The following RIMKLB variants were observed in gnomAD, a reference collection of about 807,000 sequenced individuals.
The protein encoded by RIMKLB is beta-citrylglutamate synthase B.
In RIMKLB, 7 loss-of-function variants were observed where a neutral mutation model predicts 32.0. The observed-to-expected ratio is 0.22, with a 90% CI of 0.12 to 0.41. The LOEUF (loss-of-function observed/expected upper bound fraction) is 0.41, where lower values mean the gene tolerates loss of function less well. Among genes scored for constraint, RIMKLB ranks in the 10% least tolerant of loss-of-function variants. RIMKLB has a pLI of 1.00. For synonymous variants in RIMKLB, 172 were observed against 185.1 expected (o/e 0.93, Z 0.57); for missense variants, 289 against 498.7 (o/e 0.58, Z 4.00).
intron 2 of RIMKLB, among the ~76,000 whole-genome samples, chr12:8,735,161 G>A (rs1236923404): frequency 3.9e-5 from 6 of 152,108 alleles, no homozygotes; most frequent in Non-Finnish European, 8.8e-5. Context: ...CAGAATATTT[G>A]GTAATGATGT....
chr12:8,715,382 C>T (rs771998920), intron 2 of RIMKLB, among the ~76,000 whole-genome samples: 2 of 151,898 alleles, frequency 1.3e-5, no homozygotes, highest in African/African-American at 4.8e-5. Flanking sequence ...TGCACCACCA[C>T]GCCCGACTAA....
chr12:8,782,855 T>G (rs778523014), intron 7 of RIMKLB: 1 of 152,184 alleles, frequency 6.6e-6, no homozygotes, highest in Non-Finnish European at 1.5e-5. Flanking sequence ...TTTCTTATCC[T>G]GGTTATAGAG....
chr12:8,725,027 A>C (rs1234351532), intron 2 of RIMKLB, among the ~76,000 whole-genome samples: 2 of 152,166 alleles, frequency 1.3e-5, no homozygotes, highest in Non-Finnish European at 2.9e-5. Context: ...TTTAGCTCTG[A>C]TAAATGTATT....
At chr12:8,737,346 T>C (rs772177172) in intron 2 of RIMKLB, among the ~76,000 whole-genome samples, 5 of 152,074 alleles carry the variant, frequency 3.3e-5, no homozygotes, top group East Asian at 1.9e-4. Context: ...TTGTCTGATA[T>C]ATACTAAGGA....
intron 1 of RIMKLB, among the ~76,000 whole-genome samples, chr12:8,682,664 C>T (rs986913173): frequency 8.6e-5 from 13 of 151,290 alleles, no homozygotes; most frequent in South Asian, 2.1e-4. Context: ...CCCAGCTACT[C>T]GGGAGGCTGA....
the RIMKLB span, among the ~76,000 whole-genome samples, chr12:8,674,648 C>T: frequency 6.6e-6 from 1 of 151,880 alleles, no homozygotes; most frequent in East Asian, 1.9e-4. Flanking sequence ...CTCTCACATT[C>T]AAGCAATTCT....
At chr12:8,685,720 C>T (rs1335425394) in intron 1 of RIMKLB, among the ~76,000 whole-genome samples, 1 of 152,072 alleles carries the variant, frequency 6.6e-6, no homozygotes, top group African/African-American at 2.4e-5. Flanking sequence ...TCTCGGCTCA[C>T]TGCAACCTCC....
At chr12:8,758,227 AT>A (rs112378960) in intron 5 of RIMKLB, among the ~76,000 whole-genome samples, 10,054 of 142,908 alleles carry the variant, frequency 0.07, 1,078 homozygotes, top group African/African-American at 0.23. Context: ...TTTAATCGAG[AT>A]TTTTTTTTTC....
intron 2 of RIMKLB, among the ~76,000 whole-genome samples, chr12:8,729,201 G>T (rs138054605): frequency 4.4e-4 from 67 of 152,282 alleles, no homozygotes; most frequent in African/African-American, 1.5e-3. Context: ...CAGTGTGACA[G>T]CATTTTGCAC....
chr12:8,744,662 C>CT (rs1485762323), intron 2 of RIMKLB, among the ~76,000 whole-genome samples: 1 of 150,586 alleles, frequency 6.6e-6, no homozygotes. Flanking sequence ...GTTTTTTAAA[C>CT]TTTATTTATT....
At chr12:8,713,112 G>T (rs1426894359) in intron 1 of RIMKLB, among the ~76,000 whole-genome samples, 1 of 152,084 alleles carries the variant, frequency 6.6e-6, no homozygotes, top group East Asian at 1.9e-4. Flanking sequence ...TTTATAGGAA[G>T]AATAAAAACA....
At chr12:8,755,639 C>T (rs145591135) in intron 5 of RIMKLB, among the ~76,000 whole-genome samples, 2 of 152,240 alleles carry the variant, frequency 1.3e-5, no homozygotes, top group Non-Finnish European at 2.9e-5. Flanking sequence ...CTACCCTTCC[C>T]TCCTAATCTC....
At chr12:8,710,103 C>A (rs1450178013) in intron 1 of RIMKLB, among the ~76,000 whole-genome samples, 1 of 151,954 alleles carries the variant, frequency 6.6e-6, no homozygotes, top group East Asian at 1.9e-4. Context: ...TCTCCTGCCT[C>A]CGCCACCTGA....
intron 2 of RIMKLB, among the ~76,000 whole-genome samples, chr12:8,733,355 C>T (rs112958755): frequency 6.6e-6 from 1 of 151,026 alleles, no homozygotes; most frequent in Middle Eastern, 3.5e-3. Context: ...ATCATTGCCA[C>T]ATCTTAACTC....
At chr12:8,718,661 A>ATGTGTGTGTGTGTGTGTG (rs1287877829) in intron 2 of RIMKLB, among the ~76,000 whole-genome samples, 1 of 118,400 alleles carries the variant, frequency 8.4e-6, no homozygotes, top group African/African-American at 3.0e-5. Context: ...CTCTATATAT[A>ATGTGTGTGTGTGTGTGTG]TATATATATG....
At chr12:8,768,173 TC>T (rs1950124846) in intron 5 of RIMKLB, among the ~76,000 whole-genome samples, 1 of 152,094 alleles carries the variant, frequency 6.6e-6, no homozygotes, top group Non-Finnish European at 1.5e-5. Flanking sequence ...ACTGTTCAGC[TC>T]GATTAGGAAG....
chr12:8,697,491 CA>C (rs1296662835), upstream of RIMKLB, among the ~76,000 whole-genome samples: 1 of 151,940 alleles, frequency 6.6e-6, no homozygotes, highest in Non-Finnish European at 1.5e-5. Context: ...GTCGGGGTTC[CA>C]GGCGCAGATT....
intron 5 of RIMKLB, among the ~76,000 whole-genome samples, chr12:8,761,335 C>T (rs1267910930): frequency 1.3e-5 from 2 of 149,910 alleles, no homozygotes; most frequent in Admixed American, 1.3e-4. Context: ...AAAAATAAAC[C>T]TTCTTTGGAT....
chr12:8,714,031 A>T lies in RIMKLB; in HGVS notation c.165A>T (p.Gln55His), dbSNP rs1442367283. The T allele has an allele frequency of 6.2e-7, 1 of 1,613,940 alleles. No homozygotes were observed. Among genetic ancestry groups the T allele is most frequent in the Non-Finnish European group, 8.5e-7 (1 of 1,179,954 alleles). ...VMDEVVLTIE[Q>H]GNLGLRINGE... ...ATGAGGTGGTGCTGACAATCGAGCA[A>T]GGAAACCTGGGTAAGTCTGTATACT... Residue 55 changes from glutamine (Q) to histidine (H), a missense_variant, in exon 2 of 6, where the codon CAA (glutamine) becomes CAT (histidine). Physicochemically the swap from Gln to His is conservative, Grantham distance 24. Coordinates refer to ENST00000535829, the MANE Select transcript of RIMKLB (RefSeq NM_001297776.2).
Sources: allele counts gnomAD v4.1 joint callset (sites outside exome capture counted in the v4.1 genomes callset), GRCh38; gene constraint gnomAD v4.1.1; transcripts MANE v1.5; gene names NCBI Gene and HGNC (gene_info 2026-07-23, HGNC 2026-07-21).